The following FILIP1L variants were observed in gnomAD, a reference collection of about 807,000 sequenced individuals.
FILIP1L encodes filamin A interacting protein 1 like.
In FILIP1L, 55 loss-of-function variants were observed where a neutral mutation model predicts 96.6. That is an observed-to-expected ratio of 0.57 (90% CI 0.46 to 0.71). The LOEUF (loss-of-function observed/expected upper bound fraction) is 0.71, where lower values mean the gene tolerates loss of function less well. Ranked by LOEUF, FILIP1L falls within the 30% of genes least tolerant of loss-of-function variation. FILIP1L has a pLI of 0.00. For missense variants in FILIP1L, 1,304 were observed against 1,321.2 expected (o/e 0.99, Z 0.20); for synonymous variants, 467 against 473.9 (o/e 0.99, Z 0.19).
At chr3:99,854,615 C>T (rs1251098537) in intron 4 of FILIP1L, among the ~76,000 whole-genome samples, 1 of 152,114 alleles carries the variant, frequency 6.6e-6, no homozygotes, top group African/African-American at 2.4e-5. Flanking sequence ...ATCTTGTGCA[C>T]TACAAGATGT....
chr3:100,075,996 A>G (rs1441853250), intron 1 of FILIP1L, among the ~76,000 whole-genome samples: 4 of 152,298 alleles, frequency 2.6e-5, no homozygotes, highest in African/African-American at 4.8e-5. Context: ...ACACAAAACT[A>G]TGTAATTTCT....
At chr3:100,077,841 G>A (rs1171851454) in intron 1 of FILIP1L, among the ~76,000 whole-genome samples, 1 of 152,084 alleles carries the variant, frequency 6.6e-6, no homozygotes, top group Non-Finnish European at 1.5e-5. Flanking sequence ...CCAGGAGGTA[G>A]AGGCTATAGT....
At chr3:100,021,954 TGTGTGTGAGAGA>T (rs1478402021) in intron 1 of FILIP1L, among the ~76,000 whole-genome samples, 7 of 114,418 alleles carry the variant, frequency 6.1e-5, no homozygotes, top group East Asian at 3.0e-4. Context: ...TGTGTGTGTG[TGTGTGTGAGAGA>T]GAGAGAGAGA....
At chr3:99,837,639 C>T (rs1942955362) in intron 5 of FILIP1L, among the ~76,000 whole-genome samples, 1 of 152,180 alleles carries the variant, frequency 6.6e-6, no homozygotes, top group African/African-American at 2.4e-5. Context: ...TTTTGTACTC[C>T]TGAATTTGGA....
rs776867482 is a variant in FILIP1L at position 99,849,016 on chromosome 3, A to C, written c.2660T>G (p.Val887Gly). Reference sequence around the variant, plus strand: ...GCTTAGGACTAGATCTCCAGGTTGCACAAAGTTGGCATTGGGTTTAGTTTG... The same window carrying C: ...GCTTAGGACTAGATCTCCAGGTTGCCCAAAGTTGGCATTGGGTTTAGTTTG... ...KMQTKPNANF[V>G]QPGDLVLSHT... is the part of the protein sequence containing the mutation. Residue 887 changes from valine to glycine, a missense_variant, in exon 5 of 6, where the codon GTG (valine) becomes GGG (glycine). Val to Gly is a moderately radical substitution (Grantham distance 109, BLOSUM62 -3). Transcript: ENST00000477258. The C allele has an allele frequency of 1.2e-6, 2 of 1,614,048 alleles. No homozygotes were observed. Among genetic ancestry groups the C allele is most frequent in the African/African-American group, 2.7e-5 (2 of 74,920 alleles).
At chr3:99,974,027 A>G (rs879485877) in intron 1 of FILIP1L, among the ~76,000 whole-genome samples, 1 of 152,252 alleles carries the variant, frequency 6.6e-6, no homozygotes, top group Non-Finnish European at 1.5e-5. Context: ...CTAAGTACCA[A>G]TTCCTTCCAA....
intron 1 of FILIP1L, among the ~76,000 whole-genome samples, chr3:100,063,440 T>C (rs2065608505): frequency 6.6e-6 from 1 of 152,162 alleles, no homozygotes; most frequent in Non-Finnish European, 1.5e-5. Flanking sequence ...TCTGAATAGC[T>C]TTTTACTGTA....
chr3:99,902,309 G>A (rs1318868664), intron 4 of FILIP1L, among the ~76,000 whole-genome samples: 1 of 152,138 alleles, frequency 6.6e-6, no homozygotes, highest in Non-Finnish European at 1.5e-5. Flanking sequence ...CAGCACCTGG[G>A]AAAGAGTCAG....
chr3:99,836,196 C>T (rs985777296), intron 5 of FILIP1L, among the ~76,000 whole-genome samples: 1 of 152,036 alleles, frequency 6.6e-6, no homozygotes, highest in East Asian at 1.9e-4. Flanking sequence ...ACCATCTGTC[C>T]TAAATTCTGG....
chr3:99,929,764 GT>G (rs1707416353), intron 3 of FILIP1L, 91 bp downstream of exon 3: 3 of 909,832 alleles, frequency 3.3e-6, no homozygotes, highest in Non-Finnish European at 4.8e-6. Context: ...AAGTAAAACT[GT>G]AAGGAATCAA....
chr3:99,998,280 A>G (rs1424181221), intron 1 of FILIP1L, among the ~76,000 whole-genome samples: 1 of 152,252 alleles, frequency 6.6e-6, no homozygotes, highest in East Asian at 1.9e-4. Context: ...CCTAATTTAG[A>G]TCTGAAAATG....
At chr3:99,981,842 G>T (rs1709133626) in intron 1 of FILIP1L, among the ~76,000 whole-genome samples, 1 of 152,130 alleles carries the variant, frequency 6.6e-6, no homozygotes, top group Non-Finnish European at 1.5e-5. Context: ...AGACAACATT[G>T]CAGAGTCAAG....
chr3:100,025,442 C>A (rs2064901599), intron 1 of FILIP1L: 1 of 152,010 alleles, frequency 6.6e-6, no homozygotes, highest in Admixed American at 6.6e-5. Context: ...GTCTTCCTTC[C>A]CCACCCACTT....
intron 4 of FILIP1L, among the ~76,000 whole-genome samples, chr3:99,900,652 G>A (rs574832036): frequency 1.3e-5 from 2 of 152,238 alleles, no homozygotes; most frequent in African/African-American, 4.8e-5. Context: ...CTTCCATAAA[G>A]TACCAAATGG....
chr3:99,848,243 A>G (rs1943458712), intron 5 of FILIP1L, 52 bp downstream of exon 5: 1 of 1,595,284 alleles, frequency 6.3e-7, no homozygotes, highest in African/African-American at 1.3e-5. Flanking sequence ...TTGCAAAAAT[A>G]TCAGTATGGA....
chr3:99,949,616 A>G (rs147533764), intron 1 of FILIP1L, among the ~76,000 whole-genome samples: 49 of 152,356 alleles, frequency 3.2e-4, no homozygotes, highest in African/African-American at 1.2e-3. Context: ...AAAGTACTTA[A>G]TATTTTCCTA....
chr3:100,101,797 T>G (rs1245947600), intron 1 of FILIP1L, among the ~76,000 whole-genome samples: 1 of 151,844 alleles, frequency 6.6e-6, no homozygotes, highest in Admixed American at 6.6e-5. Context: ...CAGGCCCCAG[T>G]GTGTGATGTT....
intron 1 of FILIP1L, among the ~76,000 whole-genome samples, chr3:100,006,666 A>G (rs1256273192): frequency 6.6e-6 from 1 of 152,124 alleles, no homozygotes; most frequent in Non-Finnish European, 1.5e-5. Context: ...AAAAAAAAAA[A>G]AAAATTCCAG....
intron 1 of FILIP1L, among the ~76,000 whole-genome samples, chr3:100,006,473 G>T (rs936216827): frequency 3.2e-4 from 48 of 151,970 alleles, no homozygotes; most frequent in African/African-American, 1.2e-3. Flanking sequence ...CTTTTCATGA[G>T]GTTATCATCT....
Sources: gnomAD v4.1 joint callset for allele counts (sites outside exome capture counted in the v4.1 genomes callset) on GRCh38, gnomAD v4.1.1 for gene constraint, MANE v1.5 for transcripts, NCBI Gene and HGNC (gene_info 2026-07-23, HGNC 2026-07-21) for gene names.